TBC1D32: variants seen among roughly 807,000 people sequenced by gnomAD.
TBC1D32 encodes the protein protein broad-minded.
Under a neutral mutation model 170.3 loss-of-function variants are expected in TBC1D32, and 151 were observed. The observed-to-expected ratio is 0.89, with a 90% CI of 0.78 to 1.01. The LOEUF (loss-of-function observed/expected upper bound fraction) is 1.01. TBC1D32 is among the 50% of genes least tolerant of loss of function. TBC1D32 has a pLI of 0.00. For synonymous variants in TBC1D32, 498 were observed against 488.0 expected, an observed-to-expected ratio of 1.02 and a Z score of -0.27; for missense variants, 1,464 against 1,457.1, an observed-to-expected ratio of 1.00 and a Z score of -0.08.
chr6:121,242,184 C>T lies in TBC1D32; in HGVS notation c.2157+17G>A. 7 of 1,605,770 alleles carry T rather than the reference C, an allele frequency of 4.4e-6. No homozygotes were observed. The highest frequency in any genetic ancestry group is 5.9e-6 in the Non-Finnish European group (7 of 1,177,648). Reference sequence around the variant, plus strand: ...CCACAAAAATTCCCTTTGCCTTTGGCAGATGGTAATTCATACCTGTAATTT... The same window carrying T: ...CCACAAAAATTCCCTTTGCCTTTGGTAGATGGTAATTCATACCTGTAATTT... On this transcript the variant is annotated intron_variant, in intron 18 of 31. Transcript: ENST00000398212.
intron 15 of TBC1D32, among the ~76,000 whole-genome samples, chr6:121,258,143 T>C (rs1235602906): frequency 6.6e-6 from 1 of 152,300 alleles, no homozygotes; most frequent in African/African-American, 2.4e-5. Context: ...TAAAAAATCT[T>C]AGTTCCTTAT....
At chr6:121,280,389 T>C (rs965110241) in intron 14 of TBC1D32, among the ~76,000 whole-genome samples, 6 of 151,770 alleles carry the variant, frequency 4.0e-5, no homozygotes, top group African/African-American at 9.7e-5. Context: ...AATGATATAG[T>C]AGAGGTTCAA....
intron 22 of TBC1D32, among the ~76,000 whole-genome samples, chr6:121,194,734 C>T (rs1790504640): frequency 6.6e-6 from 1 of 152,186 alleles, no homozygotes; most frequent in South Asian, 2.1e-4. Flanking sequence ...TACTGTCCCA[C>T]CTCAGAGGTA....
In TBC1D32 at chr6:121,208,500, G is replaced by A. The variant is rs540166658; in HGVS notation, c.2482-3337C>T. 2.8e-4 allele frequency among the ~76,000 whole-genome samples: 43 copies of A among 151,992 alleles called. No homozygotes were observed. The South Asian group carries it at 8.7e-3, about 31-fold the overall frequency. ...CCATAATTCAGTTACCTCCTGTCAA[G>A]CCCCTCCCATGACACATGGGGATTA... On this transcript the variant is annotated intron_variant, in intron 21 of 31. Coordinates refer to ENST00000398212, the MANE Select transcript of TBC1D32 (RefSeq NM_152730.6).
intron 24 of TBC1D32, among the ~76,000 whole-genome samples, chr6:121,139,015 T>C (rs785397): frequency 0.18 from 27,835 of 151,916 alleles, 3,426 homozygotes; most frequent in African/African-American, 0.33. Context: ...TGGCTAATTT[T>C]TTTTGTATTT....
chr6:121,228,190 G>T (rs186831678), intron 20 of TBC1D32, among the ~76,000 whole-genome samples: 49 of 151,936 alleles, frequency 3.2e-4, no homozygotes, highest in African/African-American at 1.1e-3. Flanking sequence ...CTAGTGAGGG[G>T]TTTATCACCT....
chr6:121,189,906 AT>A (rs1789720202), intron 22 of TBC1D32, among the ~76,000 whole-genome samples: 1 of 152,040 alleles, frequency 6.6e-6, no homozygotes, highest in Non-Finnish European at 1.5e-5. Context: ...CTCATGTCCA[AT>A]TATGGAATTA....
intron 25 of TBC1D32, 49 bp from the exon 26 acceptor site, chr6:121,126,510 G>T: frequency 7.5e-7 from 1 of 1,329,438 alleles, no homozygotes. Flanking sequence ...AGAATAATAT[G>T]TGACAATGCA....
intron 15 of TBC1D32, among the ~76,000 whole-genome samples, chr6:121,268,528 T>C (rs1376881440): frequency 6.6e-6 from 1 of 152,124 alleles, no homozygotes; most frequent in Non-Finnish European, 1.5e-5. Context: ...GAAGATCAAA[T>C]GCATGAAATT....
intron 22 of TBC1D32, among the ~76,000 whole-genome samples, chr6:121,202,313 C>T (rs1458414869): frequency 1.4e-5 from 2 of 141,742 alleles, no homozygotes; most frequent in African/African-American, 2.6e-5. Flanking sequence ...AAAAAGAAAC[C>T]GCAGCAATAA....
At position 121,112,659 on chromosome 6, in the gene TBC1D32, A is replaced by T; in HGVS notation, c.3170T>A (p.Leu1057His). ...GCCAGCATAATTCCCTTGCAGGCAG[A>T]CTGAAAAACACAGTTAAGAAAACTT... ...QQQTSIKSSL[L>H]CLQGNYAGHD... Residue 1057 changes from leucine to histidine, a missense_variant and splice_region_variant, in exon 29 of 32, where the codon CTC becomes CAC. Physicochemically the swap from Leu to His is moderately conservative, Grantham distance 99. Transcript: ENST00000398212. The T allele has an allele frequency of 6.4e-7, 1 of 1,556,686 alleles. No homozygotes were observed. The highest frequency in any genetic ancestry group is 1.3e-5 in the South Asian group (1 of 77,394).
At chr6:121,130,051 T>C (rs1337984815) in intron 25 of TBC1D32, 4 of 347,042 alleles carry the variant, frequency 1.2e-5, no homozygotes, top group Admixed American at 3.8e-5. Flanking sequence ...AAGACTCTTA[T>C]ATAAGAAGAC....
intron 22 of TBC1D32, among the ~76,000 whole-genome samples, chr6:121,200,261 A>G (rs558904802): frequency 6.6e-6 from 1 of 151,580 alleles, no homozygotes; most frequent in Non-Finnish European, 1.5e-5. Flanking sequence ...AATTGTTAAA[A>G]CTAAGTACAT....
chr6:121,215,902 G>C (rs1301983812), intron 21 of TBC1D32, among the ~76,000 whole-genome samples: 1 of 152,224 alleles, frequency 6.6e-6, no homozygotes, highest in Non-Finnish European at 1.5e-5. Flanking sequence ...CACTATTGCT[G>C]AGAGTATAAA....
At chr6:121,268,021 C>G (rs974643558) in intron 15 of TBC1D32, among the ~76,000 whole-genome samples, 1 of 152,108 alleles carries the variant, frequency 6.6e-6, no homozygotes, top group Non-Finnish European at 1.5e-5. Context: ...CCAGCAAACT[C>G]CAACAGACCT....
At chr6:121,106,304 T>C (rs1778676341) in intron 29 of TBC1D32, 141 bp from the exon 30 acceptor site, 1 of 392,486 alleles carries the variant, frequency 2.5e-6, no homozygotes, top group East Asian at 6.1e-5. Flanking sequence ...AACAAATCAC[T>C]GTAAATAAAA....
rs374455744 is a variant in TBC1D32, at chr6:121,223,292, G to C, written c.2425C>G (p.Gln809Glu). 6 of 1,595,948 alleles carry C rather than the reference G, an allele frequency of 3.8e-6. No individual in the cohort carries two copies. The highest frequency in any genetic ancestry group is 3.6e-5 in the Admixed American group (2 of 55,562). Reference protein sequence around the residue: ...YPAIYELVRNQDLPNKTEYSL... With the variant: ...YPAIYELVRNEDLPNKTEYSL... ...TATTCTGTTTTATTAGGAAGATCTTGATTCCTTACAAGCTCATAAATAGCA... is the reference window on the plus strand; with the variant it reads ...TATTCTGTTTTATTAGGAAGATCTTCATTCCTTACAAGCTCATAAATAGCA... Residue 809 changes from glutamine (Q) to glutamate (E), a missense_variant, in exon 21 of 32, where the codon CAA becomes GAA. Gln to Glu is a conservative substitution (Grantham distance 29, BLOSUM62 2). Transcript: ENST00000398212.
intron 26 of TBC1D32, among the ~76,000 whole-genome samples, chr6:121,119,482 A>G (rs748124254): frequency 6.6e-6 from 1 of 152,150 alleles, no homozygotes; most frequent in Non-Finnish European, 1.5e-5. Flanking sequence ...AAGGTGAAAC[A>G]AGCAAAATGT....
chr6:121,186,483 T>C (rs1789225984), intron 22 of TBC1D32, among the ~76,000 whole-genome samples: 1 of 151,582 alleles, frequency 6.6e-6, no homozygotes, highest in South Asian at 2.1e-4. Context: ...ACCAGTGGGG[T>C]TGTTTGAATT....
Sources: allele counts gnomAD v4.1 joint callset (sites outside exome capture counted in the v4.1 genomes callset), GRCh38; gene constraint gnomAD v4.1.1; transcripts MANE v1.5; gene names NCBI Gene and HGNC (gene_info 2026-07-23, HGNC 2026-07-21).